CNTNAP5: variants seen among roughly 807,000 people sequenced by gnomAD.
CNTNAP5 encodes the protein contactin-associated protein-like 5.
In CNTNAP5, 72 loss-of-function variants were observed where a neutral mutation model predicts 150.2. The observed-to-expected ratio is 0.48, with a 90% CI of 0.40 to 0.58. CNTNAP5 has a LOEUF of 0.58. Among genes scored for constraint, CNTNAP5 ranks in the 20% least tolerant of loss-of-function variants. CNTNAP5 has a pLI of 0.00. For missense variants in CNTNAP5, 1,636 were observed against 1,626.2 expected, an observed-to-expected ratio of 1.01 and a Z score of -0.10; for synonymous variants, 672 against 619.8, an observed-to-expected ratio of 1.08 and a Z score of -1.25.
At chr2:124,639,197 A>G (rs1433321670) in intron 12 of CNTNAP5, among the ~76,000 whole-genome samples, 1 of 152,184 alleles carries the variant, frequency 6.6e-6, no homozygotes, top group African/African-American at 2.4e-5. Context: ...AGCATGGGAT[A>G]CTGAGGAAAC....
intron 1 of CNTNAP5, among the ~76,000 whole-genome samples, chr2:124,177,815 G>T (rs994417271): frequency 2.7e-5 from 4 of 150,234 alleles, no homozygotes; most frequent in Non-Finnish European, 3.0e-5. Flanking sequence ...TGTTTGTTTG[G>T]TTGGTTATTT....
intron 13 of CNTNAP5, among the ~76,000 whole-genome samples, chr2:124,727,191 T>C (rs2105122960): frequency 6.6e-6 from 1 of 152,212 alleles, no homozygotes; most frequent in South Asian, 2.1e-4. Context: ...CCTGTTGGCC[T>C]ATATGTCTGC....
intron 13 of CNTNAP5, among the ~76,000 whole-genome samples, chr2:124,652,971 G>C (rs1360430701): frequency 6.6e-6 from 1 of 152,212 alleles, no homozygotes; most frequent in East Asian, 1.9e-4. Flanking sequence ...CTGTAGGACA[G>C]CCTGAGCTGG....
intron 1 of CNTNAP5, among the ~76,000 whole-genome samples, chr2:124,089,369 C>T (rs1682766971): frequency 6.6e-6 from 1 of 151,866 alleles, no homozygotes; most frequent in Admixed American, 6.6e-5. Flanking sequence ...ATTTTTACTA[C>T]ACTCTTGGTG....
At chr2:124,458,345 G>A (rs1346666875) in intron 6 of CNTNAP5, among the ~76,000 whole-genome samples, 3 of 104,850 alleles carry the variant, frequency 2.9e-5, no homozygotes, top group East Asian at 5.8e-4. Flanking sequence ...ACCGTAAAAA[G>A]GAATGAATTA....
At chr2:124,252,458 C>T (rs1341575801) in intron 3 of CNTNAP5, among the ~76,000 whole-genome samples, 3 of 152,114 alleles carry the variant, frequency 2.0e-5, no homozygotes, top group Admixed American at 6.6e-5. Context: ...ACCACCCTGC[C>T]CAGCAGAGTC....
intron 10 of CNTNAP5, among the ~76,000 whole-genome samples, chr2:124,540,388 T>C (rs2104905250): frequency 6.6e-6 from 1 of 152,330 alleles, no homozygotes; most frequent in Admixed American, 6.5e-5. Context: ...TGTATGTACA[T>C]AGCTGTGTAT....
At chr2:124,638,078 G>A (rs185651128) in intron 12 of CNTNAP5, among the ~76,000 whole-genome samples, 9 of 151,678 alleles carry the variant, frequency 5.9e-5, no homozygotes, top group East Asian at 1.9e-4. Flanking sequence ...GTGTGTGTGC[G>A]TGTATGTGTG....
At chr2:124,837,637 A>G (rs1009911058) in intron 19 of CNTNAP5, among the ~76,000 whole-genome samples, 7 of 152,122 alleles carry the variant, frequency 4.6e-5, no homozygotes, top group African/African-American at 1.7e-4. Context: ...CAATTAAATT[A>G]TCATCGAGCA....
At chr2:124,107,500 G>A (rs1683194881) in intron 1 of CNTNAP5, among the ~76,000 whole-genome samples, 1 of 152,190 alleles carries the variant, frequency 6.6e-6, no homozygotes. Context: ...CCTACATACA[G>A]TATAGAGTTT....
chr2:124,378,070 TCA>T (rs1478128942), intron 3 of CNTNAP5, among the ~76,000 whole-genome samples: 1 of 152,098 alleles, frequency 6.6e-6, no homozygotes, highest in African/African-American at 2.4e-5. Context: ...CTCCACATAC[TCA>T]CAGGATTTTG....
chr2:124,030,116 G>A (rs778184859), intron 1 of CNTNAP5, among the ~76,000 whole-genome samples: 2 of 151,956 alleles, frequency 1.3e-5, no homozygotes, highest in South Asian at 2.1e-4. Context: ...CGAAGAAAAT[G>A]GATTAGATCA....
intron 1 of CNTNAP5, among the ~76,000 whole-genome samples, chr2:124,046,435 A>AG (rs1681539188): frequency 8.1e-5 from 9 of 110,712 alleles, no homozygotes; most frequent in African/African-American, 3.1e-4. Flanking sequence ...AAAAGAGAGA[A>AG]AAAAAAAAAA....
In CNTNAP5 at chr2:124,221,802, G is replaced by T. The variant is rs1178838187; in HGVS notation, c.180G>T (p.Trp60Cys). The T allele has an allele frequency of 6.2e-7, 1 of 1,601,250 alleles. No individual in the cohort carries two copies. Among genetic ancestry groups the T allele is most frequent in the East Asian group, 2.2e-5 (1 of 44,574 alleles). ...TGTHSPAQLNWRVGTGGWSPA... is the reference protein window; with the variant it reads ...TGTHSPAQLNCRVGTGGWSPA... ...CTCACAGCCCAGCTCAACTCAACTG[G>T]AGAGTTGGTAAGTAGGCTGACTGAA... Residue 60 changes from tryptophan to cysteine, a missense_variant, in exon 2 of 24, where the codon TGG (tryptophan) becomes TGT (cysteine). By Grantham distance (215) the Trp-to-Cys change is radical. Coordinates refer to ENST00000682447, the MANE Select transcript of CNTNAP5 (RefSeq NM_001367498.1).
At chr2:124,172,176 T>C (rs1166889779) in intron 1 of CNTNAP5, among the ~76,000 whole-genome samples, 1 of 152,212 alleles carries the variant, frequency 6.6e-6, no homozygotes, top group African/African-American at 2.4e-5. Flanking sequence ...CCAAGAAATA[T>C]ATCCACATGA....
intron 19 of CNTNAP5, among the ~76,000 whole-genome samples, chr2:124,800,527 G>A (rs942931054): frequency 2.0e-5 from 3 of 152,136 alleles, no homozygotes; most frequent in African/African-American, 7.2e-5. Flanking sequence ...AAGCAGAGCT[G>A]GATTCACCCT....
At chr2:124,045,162 GA>G (rs375424421) in intron 1 of CNTNAP5, among the ~76,000 whole-genome samples, 18 of 152,066 alleles carry the variant, frequency 1.2e-4, no homozygotes, top group African/African-American at 4.3e-4. Flanking sequence ...ATGCCTCAGG[GA>G]AAAAGCAAAC....
chr2:124,658,847 G>C lies in CNTNAP5; in HGVS notation c.2077+10889G>C, dbSNP rs138179359. Among the ~76,000 whole-genome samples, 1,062 of 152,324 alleles carry C rather than the reference G, an allele frequency of 7.0e-3. 16 individuals are homozygous for C. The highest frequency in any genetic ancestry group is 0.025 in the African/African-American group (1,028 of 41,560). On this transcript the variant is annotated intron_variant, in intron 13 of 23. Transcript: ENST00000682447. ...CAGATGAGGTTAATGGGTCTGCATA[G>C]GTGTTAGGCTATAATGGCACCTCTG... is the stretch of plus-strand genomic sequence containing the variant.
At chr2:124,251,934 C>G (rs1345541948) in intron 3 of CNTNAP5, among the ~76,000 whole-genome samples, 1 of 152,164 alleles carries the variant, frequency 6.6e-6, no homozygotes, top group Non-Finnish European at 1.5e-5. Flanking sequence ...AGCAAGCTAG[C>G]CCACTACGTG....
Sources: gnomAD v4.1 joint callset for allele counts (sites outside exome capture counted in the v4.1 genomes callset) on GRCh38, gnomAD v4.1.1 for gene constraint, MANE v1.5 for transcripts, NCBI Gene and HGNC (gene_info 2026-07-23, HGNC 2026-07-21) for gene names.